ERCC6: variants seen among roughly 807,000 people sequenced by gnomAD.
The protein encoded by ERCC6 is DNA excision repair protein ERCC-6.
A neutral mutation model predicts 158.7 loss-of-function variants in ERCC6; 116 were observed. The observed-to-expected ratio is 0.73, with a 90% CI of 0.63 to 0.85. ERCC6 has a LOEUF of 0.85. ERCC6 is among the 40% of genes least tolerant of loss of function. The probability of loss-of-function intolerance (pLI) is 0.00; values close to 1 mark genes in which losing one functional copy is unlikely to be tolerated. For missense variants in ERCC6, 1,698 were observed against 1,799.4 expected (o/e 0.94, Z 1.02); for synonymous variants, 678 against 659.3 (o/e 1.03, Z -0.43).
chr10:49,496,196 C>T (rs564668605), intron 7 of ERCC6, among the ~76,000 whole-genome samples: 2 of 152,156 alleles, frequency 1.3e-5, no homozygotes, highest in South Asian at 2.1e-4. Flanking sequence ...CCTTCCCTGT[C>T]CCTTTCTCTG....
chr10:49,439,485 CT>C, the ERCC6 span, among the ~76,000 whole-genome samples: 1 of 152,324 alleles, frequency 6.6e-6, no homozygotes, highest in African/African-American at 2.4e-5. Flanking sequence ...CATGAAACCA[CT>C]TTTTTCCTCC....
chr10:49,513,630 G>A lies in ERCC6; in HGVS notation c.1398-7618C>T, dbSNP rs543847100. 1.3e-4 allele frequency among the ~76,000 whole-genome samples: 20 copies of A among 152,238 alleles called. No homozygotes were observed. The East Asian group carries it at 2.7e-3, about 21-fold the overall frequency. ...TGAAGGGCACCTTCTTCACAAGGCGGCAGGAGGAAGTGAGTGCAAGCACAG... is the reference window on the plus strand; with the variant it reads ...TGAAGGGCACCTTCTTCACAAGGCGACAGGAGGAAGTGAGTGCAAGCACAG... On this transcript the variant is annotated intron_variant, in intron 5 of 20. Transcript: ENST00000355832.
In ERCC6 at chr10:49,472,996, C is replaced by T. The variant is rs778301764; in HGVS notation, c.2742G>A (p.Thr914=). Residue 914 remains threonine, a synonymous_variant, in exon 15 of 21, where the codon ACG becomes ACA. Coordinates refer to ENST00000355832, the MANE Select transcript of ERCC6 (RefSeq NM_000124.4). ...DTSIFVFLLT[T]RVGGLGVNLT... ...GGTTGACACCTAAGCCGCCCACCCG[C>T]GTGGTCAGAAGAAACACAAATATGG... is the stretch of plus-strand genomic sequence containing the variant. The T allele has an allele frequency of 1.1e-5, 18 of 1,613,994 alleles. No individual in the cohort carries two copies. Among genetic ancestry groups the T allele is most frequent in the African/African-American group, 4.0e-5 (3 of 74,928 alleles).
At chr10:49,516,368 G>A (rs760747074) in intron 5 of ERCC6, 1 of 1,614,118 alleles carries the variant, frequency 6.2e-7, no homozygotes, top group South Asian at 1.1e-5. Context: ...GTTTGCTTAT[G>A]AGAGGTCGCA....
intron 7 of ERCC6, among the ~76,000 whole-genome samples, chr10:49,497,599 C>T (rs1019949665): frequency 6.6e-6 from 1 of 152,144 alleles, no homozygotes; most frequent in Non-Finnish European, 1.5e-5. Context: ...GAGTTGAGAT[C>T]TAGGAGCAGA....
chr10:49,449,531 T>G (rs1243219684), downstream of ERCC6, among the ~76,000 whole-genome samples: 1 of 150,828 alleles, frequency 6.6e-6, no homozygotes, highest in Non-Finnish European at 1.5e-5. Flanking sequence ...CTTCTAAGAG[T>G]TTTATAGGTT....
At position 49,470,783 on chromosome 10, in the gene ERCC6, A is replaced by G. The variant is rs4253207; in HGVS notation, c.3177T>C (p.Ser1059=). The G allele has an allele frequency of 2.0e-3, 3,257 of 1,614,204 alleles. 68 individuals are homozygous for G. In the African/African-American group the frequency reaches 0.04, roughly 20 times the overall value. ...DVPKRKKFPA[S]NISVNDATSS... ...ATGTGGCATCATTTACAGATATGTT[A>G]GAAGCAGGGAACTTCTTGCGTTTTG... is the stretch of plus-strand genomic sequence containing the variant. The change falls in exon 18 of 21, where the codon TCT becomes TCC. Residue 1059 remains serine, a synonymous_variant. Coordinates refer to ENST00000355832, the MANE Select transcript of ERCC6 (RefSeq NM_000124.4).
chr10:49,500,510 G>T, intron 7 of ERCC6, 28 bp downstream of exon 7: 1 of 1,611,716 alleles, frequency 6.2e-7, no homozygotes, highest in South Asian at 1.1e-5. Flanking sequence ...GAGCTCCACA[G>T]ACTGACAGTC....
At chr10:49,434,991 T>C in the ERCC6 span, among the ~76,000 whole-genome samples, 1 of 152,062 alleles carries the variant, frequency 6.6e-6, no homozygotes, top group African/African-American at 2.4e-5. Context: ...AAATGATAAA[T>C]GAAAAAACAT....
chr10:49,491,511 C>T (rs1851172554), intron 8 of ERCC6, among the ~76,000 whole-genome samples: 1 of 152,174 alleles, frequency 6.6e-6, no homozygotes, highest in Admixed American at 6.5e-5. Flanking sequence ...GAAGGTAAAA[C>T]AACCTCAGAA....
the ERCC6 span, among the ~76,000 whole-genome samples, chr10:49,439,679 G>T: frequency 2.6e-5 from 4 of 152,128 alleles, no homozygotes; most frequent in Non-Finnish European, 5.9e-5. Flanking sequence ...TTGTCAGGCT[G>T]CAAATTTTCC....
At chr10:49,483,238 G>T (rs1302095108) in intron 9 of ERCC6, 108 bp downstream of exon 9, 1 of 1,190,418 alleles carries the variant, frequency 8.4e-7, no homozygotes, top group African/African-American at 1.5e-5. Flanking sequence ...TTCTTGTGCA[G>T]TTGGCACAAG....
At chr10:49,515,928 CTT>C (rs1298655409) in intron 5 of ERCC6, 16 of 1,614,008 alleles carry the variant, frequency 9.9e-6, no homozygotes, top group African/African-American at 1.3e-5. Context: ...AAATGTGCCT[CTT>C]TCTTTTTTCT....
intron 5 of ERCC6, chr10:49,516,938 G>C (rs749872100): frequency 2.5e-6 from 4 of 1,614,072 alleles, no homozygotes; most frequent in Non-Finnish European, 3.4e-6. Context: ...ACGCAGCTGT[G>C]TGCAACAAAG....
At chr10:49,509,543 G>C (rs1261296617) in intron 5 of ERCC6, among the ~76,000 whole-genome samples, 1 of 152,146 alleles carries the variant, frequency 6.6e-6, no homozygotes, top group Non-Finnish European at 1.5e-5. Context: ...GTACCTGCTG[G>C]AATATCTCAA....
chr10:49,492,990 T>A, intron 8 of ERCC6, 127 bp downstream of exon 8: 1 of 952,432 alleles, frequency 1.0e-6, no homozygotes, highest in East Asian at 2.6e-5. Flanking sequence ...AATAATAAAT[T>A]AACTTTAAAT....
chr10:49,499,647 T>C (rs1851323839), intron 7 of ERCC6, among the ~76,000 whole-genome samples: 1 of 152,202 alleles, frequency 6.6e-6, no homozygotes, highest in Non-Finnish European at 1.5e-5. Context: ...TTCAGTATGA[T>C]GAAATATCCT....
chr10:49,510,697 T>A (rs749767206), intron 5 of ERCC6, among the ~76,000 whole-genome samples: 1 of 152,182 alleles, frequency 6.6e-6, no homozygotes, highest in Non-Finnish European at 1.5e-5. Context: ...TGCCTCCTCA[T>A]GGCAGACCGT....
intron 8 of ERCC6, among the ~76,000 whole-genome samples, chr10:49,485,903 A>G (rs542701041): frequency 6.6e-6 from 1 of 152,320 alleles, no homozygotes; most frequent in East Asian, 1.9e-4. Flanking sequence ...TCCACTGGGT[A>G]AGGCAAAAAC....
Sources: allele counts gnomAD v4.1 joint callset (sites outside exome capture counted in the v4.1 genomes callset), GRCh38; gene constraint gnomAD v4.1.1; transcripts MANE v1.5; gene names NCBI Gene and HGNC (gene_info 2026-07-23, HGNC 2026-07-21).